Variants in IL1RAPL1 observed in about 807,000 individuals in gnomAD.
The protein encoded by IL1RAPL1 is interleukin 1 receptor accessory protein like 1.
Under a neutral mutation model 48.4 loss-of-function variants are expected in IL1RAPL1, and 3 were observed. The ratio of observed to expected loss-of-function variants is 0.06; its 90% CI spans 0.03 to 0.16. IL1RAPL1 has a LOEUF of 0.16. IL1RAPL1 is among the 10% of genes least tolerant of loss of function. The probability of loss-of-function intolerance (pLI) is 1.00; values close to 1 mark genes in which losing one functional copy is unlikely to be tolerated. For missense variants in IL1RAPL1, 349 were observed against 530.6 expected (o/e 0.66, Z 3.36); for synonymous variants, 185 against 187.7 (o/e 0.99, Z 0.12).
intron 6 of IL1RAPL1, among the ~76,000 whole-genome samples, chrX:29,858,366 A>G (rs1335208283): frequency 2.7e-5 from 3 of 111,186 alleles, no homozygotes; most frequent in African/African-American, 9.8e-5. Flanking sequence ...TTATTTTTCA[A>G]TTTAGTCTCT....
At chrX:29,246,112 C>G (rs1931507238) in intron 2 of IL1RAPL1, among the ~76,000 whole-genome samples, 1 of 68,370 alleles carries the variant, frequency 1.5e-5, no homozygotes, top group South Asian at 6.4e-4. Context: ...ATACAAGATG[C>G]AAGTCAAGAA....
intron 6 of IL1RAPL1, among the ~76,000 whole-genome samples, chrX:29,804,578 C>T (rs1025035962): frequency 9.0e-6 from 1 of 111,370 alleles, no homozygotes; most frequent in Non-Finnish European, 1.9e-5. Flanking sequence ...TGCTTGCTGC[C>T]CTGTAAGACA....
chrX:29,405,854 C>CT (rs201176718), intron 5 of IL1RAPL1, among the ~76,000 whole-genome samples: 12,255 of 108,619 alleles, frequency 0.11, 1,235 homozygotes, highest in African/African-American at 0.32. Flanking sequence ...CTGCTCCATT[C>CT]TTTTTTTTTC....
intron 2 of IL1RAPL1, among the ~76,000 whole-genome samples, chrX:29,184,630 A>G (rs1259723608): frequency 9.0e-6 from 1 of 110,886 alleles, no homozygotes; most frequent in Non-Finnish European, 1.9e-5. Context: ...ACTCCTGAGT[A>G]GCTGGGCCTA....
chrX:29,149,231 A>G (rs1929411616), intron 2 of IL1RAPL1, among the ~76,000 whole-genome samples: 2 of 110,755 alleles, frequency 1.8e-5, no homozygotes, highest in African/African-American at 6.5e-5. Context: ...TATGTTTAAA[A>G]ATACTAATAT....
intron 6 of IL1RAPL1, among the ~76,000 whole-genome samples, chrX:29,696,561 A>G (rs1236947011): frequency 1.8e-5 from 2 of 112,032 alleles, no homozygotes; most frequent in Non-Finnish European, 3.8e-5. Flanking sequence ...GCGAAAAGTT[A>G]TGATTTGTCC....
chrX:28,831,020 CTCTCTCTGTGTGTGTGTGTGTGTG>C (rs1921033412), intron 2 of IL1RAPL1, among the ~76,000 whole-genome samples: 2 of 65,903 alleles, frequency 3.0e-5, no homozygotes, highest in African/African-American at 1.4e-4. Context: ...CTCTCTCTCT[CTCTCTCTGTGTGTGTGTGTGTGTG>C]TGTGTGTGTG....
chrX:28,990,205 A>G (rs1421719139), intron 2 of IL1RAPL1, among the ~76,000 whole-genome samples: 2 of 112,008 alleles, frequency 1.8e-5, no homozygotes, highest in African/African-American at 3.2e-5. Context: ...TCCTAAGTGC[A>G]TGTGACCATA....
chrX:28,968,395 A>G (rs1924973603), intron 2 of IL1RAPL1, among the ~76,000 whole-genome samples: 1 of 111,325 alleles, frequency 9.0e-6, no homozygotes, highest in Non-Finnish European at 1.9e-5. Context: ...TTTCATACTC[A>G]TGACTTATCA....
chrX:29,702,454 A>G (rs1306207154), intron 6 of IL1RAPL1, among the ~76,000 whole-genome samples: 1 of 110,815 alleles, frequency 9.0e-6, no homozygotes, highest in Non-Finnish European at 1.9e-5. Flanking sequence ...CCGTTCACCA[A>G]CCAAATAAGA....
intron 2 of IL1RAPL1, among the ~76,000 whole-genome samples, chrX:28,890,732 A>G (rs755149672): frequency 1.6e-4 from 18 of 111,706 alleles, no homozygotes; most frequent in Non-Finnish European, 3.0e-4. Context: ...CTCATAGGAG[A>G]TATTAGTTGA....
At chrX:29,529,232 T>G (rs1935586350) in intron 5 of IL1RAPL1, among the ~76,000 whole-genome samples, 1 of 111,303 alleles carries the variant, frequency 9.0e-6, no homozygotes, top group Non-Finnish European at 1.9e-5. Context: ...GATACCAAAC[T>G]GAAAAAAAGA....
chrX:29,670,692 T>C (rs987476240), intron 6 of IL1RAPL1, among the ~76,000 whole-genome samples: 1 of 112,179 alleles, frequency 8.9e-6, no homozygotes, highest in Non-Finnish European at 1.9e-5. Context: ...GTCTAAAATA[T>C]ACGTTTTTTC....
At chrX:29,453,530 G>A (rs1934704190) in intron 5 of IL1RAPL1, among the ~76,000 whole-genome samples, 1 of 111,537 alleles carries the variant, frequency 9.0e-6, no homozygotes, top group Admixed American at 9.5e-5. Flanking sequence ...GCATTACACA[G>A]GGAGAAATAT....
intron 8 of IL1RAPL1, among the ~76,000 whole-genome samples, chrX:29,925,133 T>C (rs1028531322): frequency 1.8e-5 from 2 of 111,288 alleles, no homozygotes; most frequent in African/African-American, 6.5e-5. Context: ...GACCATTGAT[T>C]TCAGAATATG....
intron 6 of IL1RAPL1, among the ~76,000 whole-genome samples, chrX:29,802,769 A>G (rs866688231): frequency 5.8e-4 from 16 of 27,638 alleles, no homozygotes; most frequent in Non-Finnish European, 7.5e-4. Flanking sequence ...ATATATATAT[A>G]TATATATATA....
chrX:29,152,458 C>T (rs1378982430), intron 2 of IL1RAPL1, among the ~76,000 whole-genome samples: 2 of 111,746 alleles, frequency 1.8e-5, no homozygotes, highest in African/African-American at 3.3e-5. Context: ...CCCTACTCCC[C>T]GTCCCACATA....
intron 5 of IL1RAPL1, among the ~76,000 whole-genome samples, chrX:29,478,908 C>A (rs989756495): frequency 3.6e-5 from 4 of 110,767 alleles, no homozygotes; most frequent in Non-Finnish European, 7.6e-5. Flanking sequence ...CTTCACTGTC[C>A]GCCATTCCCT....
At chrX:28,592,568 G>T (rs1349982848) in intron 1 of IL1RAPL1, among the ~76,000 whole-genome samples, 5 of 111,823 alleles carry the variant, frequency 4.5e-5, no homozygotes, top group Non-Finnish European at 7.5e-5. Flanking sequence ...TTAACAGAAT[G>T]ATATTTACAT....
Sources: allele counts gnomAD v4.1 joint callset (sites outside exome capture counted in the v4.1 genomes callset), GRCh38; gene constraint gnomAD v4.1.1; transcripts MANE v1.5; gene names NCBI Gene and HGNC (gene_info 2026-07-23, HGNC 2026-07-21).